RASGEF1C: variants seen among roughly 807,000 people sequenced by gnomAD.
The protein encoded by RASGEF1C is RasGEF domain family member 1C, also known as ras-GEF domain-containing family member 1C.
In RASGEF1C, 27 loss-of-function variants were observed where a neutral mutation model predicts 58.1. The observed-to-expected ratio is 0.46, with a 90% CI of 0.34 to 0.64. The LOEUF (loss-of-function observed/expected upper bound fraction) is 0.64. Ranked by LOEUF, RASGEF1C falls within the 30% of genes least tolerant of loss-of-function variation. The probability of loss-of-function intolerance (pLI) is 0.01; values close to 1 mark genes in which losing one functional copy is unlikely to be tolerated. For synonymous variants in RASGEF1C, 243 were observed against 246.3 expected (o/e 0.99, Z 0.13); for missense variants, 502 against 605.1 (o/e 0.83, Z 1.79).
Position 180,119,398 on chromosome 5 carries a change from C to A in RASGEF1C, c.855G>T (p.Val285=), listed in dbSNP as rs935983319. 8.1e-6 allele frequency: 13 copies of A among 1,614,192 alleles called. No homozygotes were observed. Among genetic ancestry groups the A allele is most frequent in the Non-Finnish European group, 1.1e-5 (13 of 1,180,000 alleles). The stretch of plus-strand genomic sequence containing the variant: ...TGCCGATGTTGAAGCACTCGCGGGC[C>A]ACGTCGATGAAGAACTCAATCACCT... ...RAQVIEFFID[V]ARECFNIGNF... is the part of the protein sequence containing the mutation. Residue 285 remains valine (V), a synonymous_variant, in exon 8 of 14, where the codon GTG becomes GTT. Transcript: ENST00000361132.
intron 1 of RASGEF1C, among the ~76,000 whole-genome samples, chr5:180,175,816 G>A (rs1381296186): frequency 5.3e-5 from 8 of 152,116 alleles, no homozygotes; most frequent in African/African-American, 4.8e-5. Flanking sequence ...GGCTAACCCC[G>A]TCTCTAGTAA....
At chr5:180,189,606 T>C (rs1756107661) in intron 1 of RASGEF1C, among the ~76,000 whole-genome samples, 1 of 152,010 alleles carries the variant, frequency 6.6e-6, no homozygotes. Flanking sequence ...TGCAATTCAG[T>C]GGAGAAAGGT....
intron 7 of RASGEF1C, among the ~76,000 whole-genome samples, chr5:180,120,330 T>C (rs144854691): frequency 6.6e-6 from 1 of 152,174 alleles, no homozygotes; most frequent in African/African-American, 2.4e-5. Context: ...AACTCCTGTG[T>C]CCATCGCCAC....
chr5:180,100,970 T>G lies in RASGEF1C; in HGVS notation c.*531A>C, dbSNP rs1175984338. 6.4e-6 allele frequency: 1 copy of G among 155,676 alleles called. No individual in the cohort carries two copies. Among genetic ancestry groups the G allele is most frequent in the East Asian group, 1.9e-4 (1 of 5,280 alleles). 9.6% of individuals were successfully genotyped at this position (155,676 alleles called of 1,614,324 possible). ...CATCCAGGAAGGGGGTACCTGGGGC[T>G]GCAGAGACAAGCTCGTCGGCAGGGC... On this transcript the variant is annotated 3_prime_UTR_variant, in exon 14 of 14. Coordinates refer to ENST00000361132, the MANE Select transcript of RASGEF1C (RefSeq NM_175062.4).
chr5:180,197,348 T>A lies in RASGEF1C; in HGVS notation c.-7+11680A>T, dbSNP rs1289188572. Among the ~76,000 whole-genome samples, 1 of 152,144 alleles carries A rather than the reference T, an allele frequency of 6.6e-6. No individual in the cohort carries two copies. The highest frequency in any genetic ancestry group is 1.5e-5 in the Non-Finnish European group (1 of 68,026). Reference sequence around the variant, plus strand: ...GGTGCTGCTCAGGGCAGTGGTGGCCTCTTGACAGTGGACCCAGGCTGGACA... The same window carrying A: ...GGTGCTGCTCAGGGCAGTGGTGGCCACTTGACAGTGGACCCAGGCTGGACA... On this transcript the variant is annotated intron_variant, in intron 1 of 13. Coordinates refer to ENST00000361132, the MANE Select transcript of RASGEF1C (RefSeq NM_175062.4). This position sits in a 1 kb window ranked among gnomAD's most constrained non-coding sequence, Gnocchi z 4.7.
chr5:180,117,885 T>C (rs1167900430), intron 10 of RASGEF1C, among the ~76,000 whole-genome samples: 1 of 151,622 alleles, frequency 6.6e-6, no homozygotes, highest in Non-Finnish European at 1.5e-5. Flanking sequence ...TCCCAGCTAC[T>C]TGGGAGGCTG....
intron 1 of RASGEF1C, among the ~76,000 whole-genome samples, chr5:180,201,206 C>T (rs1581132803): frequency 6.6e-6 from 1 of 152,130 alleles, no homozygotes; most frequent in Non-Finnish European, 1.5e-5. Context: ...AGACAGCATT[C>T]GAGCCCGGAG....
chr5:180,183,803 CAA>C (rs1340796319), intron 1 of RASGEF1C, among the ~76,000 whole-genome samples: 3 of 151,336 alleles, frequency 2.0e-5, no homozygotes, highest in Non-Finnish European at 2.9e-5. Flanking sequence ...GCCTGGGAAA[CAA>C]GAGCAAAACT....
At chr5:180,103,579 G>C (rs905662225) in intron 12 of RASGEF1C, among the ~76,000 whole-genome samples, 2 of 152,174 alleles carry the variant, frequency 1.3e-5, no homozygotes, top group African/African-American at 4.8e-5. Flanking sequence ...ATTAGTTCTA[G>C]GGGTTTTTGT....
At chr5:180,195,444 C>G (rs1561758381) in intron 1 of RASGEF1C, among the ~76,000 whole-genome samples, 1 of 152,146 alleles carries the variant, frequency 6.6e-6, no homozygotes, top group Non-Finnish European at 1.5e-5. Context: ...ACATGAAAAG[C>G]TTACCTGTAG....
At chr5:180,101,908 G>A (rs967985134) in intron 13 of RASGEF1C, among the ~76,000 whole-genome samples, 163 bp downstream of exon 13, 5 of 152,144 alleles carry the variant, frequency 3.3e-5, no homozygotes, top group Admixed American at 2.0e-4. Flanking sequence ...CCCCACTGTG[G>A]GCTGCTGAGG....
In RASGEF1C at chr5:180,137,483, C is replaced by T; in HGVS notation, c.300+107G>A. 1 of 1,477,040 alleles carries T rather than the reference C, an allele frequency of 6.8e-7. No individual in the cohort carries two copies. Among genetic ancestry groups the T allele is most frequent in the Non-Finnish European group, 9.2e-7 (1 of 1,092,192 alleles). 91.5% of individuals were successfully genotyped at this position (1,477,040 alleles called of 1,614,324 possible). A position where few individuals can be genotyped will look rare whatever the true frequency, so the allele number is the denominator to read the frequency against. ...TGGAAACACCCGGTAGCCACCTTGT[C>T]AGGAAAACGGGGACAATCATTGCCT... On this transcript the variant is annotated intron_variant, in intron 3 of 13. Coordinates refer to ENST00000361132, the MANE Select transcript of RASGEF1C (RefSeq NM_175062.4). This position sits in a 1 kb window ranked among gnomAD's most constrained non-coding sequence, Gnocchi z 4.1.
At chr5:180,120,575 A>C (rs1766150672) in intron 7 of RASGEF1C, among the ~76,000 whole-genome samples, 1 of 152,126 alleles carries the variant, frequency 6.6e-6, no homozygotes, top group Non-Finnish European at 1.5e-5. Flanking sequence ...GCCAGGCGGG[A>C]CCGCGACTCA....
In RASGEF1C at chr5:180,157,682, A is replaced by C. The variant is rs1766874075; in HGVS notation, c.-6-19624T>G. Among the ~76,000 whole-genome samples, 4 of 152,118 alleles carry C rather than the reference A, an allele frequency of 2.6e-5. No homozygotes were observed. The South Asian group carries it at 8.3e-4, about 31-fold the overall frequency. On this transcript the variant is annotated intron_variant, in intron 1 of 13. Transcript: ENST00000361132. ...TCAAGCCATGAAAAGACGTGGAGAA[A>C]ATGTAAATGCATATTACTAAGCAAA...
chr5:180,172,310 C>T (rs1438689369), intron 1 of RASGEF1C, among the ~76,000 whole-genome samples: 1 of 151,882 alleles, frequency 6.6e-6, no homozygotes, highest in Non-Finnish European at 1.5e-5. Flanking sequence ...TAGATGCCAC[C>T]TCCAGGAAGG....
chr5:180,173,983 G>A (rs1455674009), intron 1 of RASGEF1C, among the ~76,000 whole-genome samples: 1 of 151,796 alleles, frequency 6.6e-6, no homozygotes, highest in Non-Finnish European at 1.5e-5. Context: ...TGGAGGCTCA[G>A]GGGTTGGGGG....
intron 1 of RASGEF1C, among the ~76,000 whole-genome samples, chr5:180,147,226 A>T (rs1328864532): frequency 6.6e-6 from 1 of 150,466 alleles, no homozygotes; most frequent in Non-Finnish European, 1.5e-5. Context: ...AGGTTTGTCA[A>T]TTTTGTTAAT....
At chr5:180,175,648 A>G (rs1767212546) in intron 1 of RASGEF1C, among the ~76,000 whole-genome samples, 1 of 152,112 alleles carries the variant, frequency 6.6e-6, no homozygotes, top group African/African-American at 2.4e-5. Context: ...TAAAACGACC[A>G]CTTCTCCCCG....
At chr5:180,131,617 C>T (rs959989741) in intron 4 of RASGEF1C, among the ~76,000 whole-genome samples, 6 of 152,152 alleles carry the variant, frequency 3.9e-5, no homozygotes, top group Non-Finnish European at 7.3e-5. Context: ...CATGAAGGGC[C>T]GTAGCTGGCT....
Sources: gnomAD v4.1 joint callset for allele counts (sites outside exome capture counted in the v4.1 genomes callset) on GRCh38, gnomAD v4.1.1 for gene constraint, Gnocchi (gnomAD v3.1) non-coding constraint, MANE v1.5 for transcripts, NCBI Gene and HGNC (gene_info 2026-07-23, HGNC 2026-07-21) for gene names.